PLCL2: variants seen among roughly 807,000 people sequenced by gnomAD.
PLCL2 encodes phospholipase C like 2, also known as inactive phospholipase C-like protein 2.
PLCL2 carries 4 observed loss-of-function variants against 79.6 expected under a neutral mutation model. The observed-to-expected ratio is 0.05, with a 90% CI of 0.02 to 0.11. The LOEUF is 0.11. PLCL2 is among the 10% of genes least tolerant of loss of function. The pLI, the probability that PLCL2 is intolerant of heterozygous loss-of-function variation, is 1.00. For missense variants in PLCL2, 895 were observed against 1,291.0 expected (o/e 0.69, Z 4.70); for synonymous variants, 484 against 457.7 (o/e 1.06, Z -0.73).
chr3:16,905,700 A>G (rs1380065189), intron 1 of PLCL2, among the ~76,000 whole-genome samples: 1 of 152,254 alleles, frequency 6.6e-6, no homozygotes. Flanking sequence ...GGGATCTGAA[A>G]TTAAACAAAC....
At chr3:17,080,919 G>A (rs149660852) in intron 5 of PLCL2, among the ~76,000 whole-genome samples, 1 of 152,196 alleles carries the variant, frequency 6.6e-6, no homozygotes, top group South Asian at 2.1e-4. Flanking sequence ...AATATTGCAT[G>A]CAGTCTGTGG....
chr3:17,042,703 T>G, intron 3 of PLCL2, 171 bp from the exon 4 acceptor site: 1 of 582,278 alleles, frequency 1.7e-6, no homozygotes, highest in African/African-American at 1.9e-5. Context: ...TGTGGGGATG[T>G]GTGATGTTAT....
intron 3 of PLCL2, among the ~76,000 whole-genome samples, chr3:17,039,013 A>G (rs995530176): frequency 2.6e-5 from 4 of 152,348 alleles, no homozygotes; most frequent in East Asian, 3.9e-4. Context: ...CAGTGTTCAC[A>G]TGTGTAAAAC....
intron 1 of PLCL2, among the ~76,000 whole-genome samples, chr3:16,966,252 C>T (rs1354157149): frequency 2.0e-5 from 3 of 146,594 alleles, no homozygotes; most frequent in African/African-American, 5.0e-5. Context: ...TGTCAAAGGC[C>T]TTTTCTGCAT....
chr3:17,030,250 A>G (rs552257129), intron 3 of PLCL2, among the ~76,000 whole-genome samples: 1 of 152,178 alleles, frequency 6.6e-6, no homozygotes, highest in East Asian at 1.9e-4. Flanking sequence ...TAAACTCTAC[A>G]ATGGGCATTA....
intron 4 of PLCL2, among the ~76,000 whole-genome samples, chr3:17,063,112 AC>A (rs1323771151): frequency 6.6e-6 from 1 of 150,444 alleles, no homozygotes; most frequent in African/African-American, 2.5e-5. Flanking sequence ...GATGATCATC[AC>A]AAGAGAAACT....
At chr3:17,082,384 G>A (rs918845842) in intron 5 of PLCL2, among the ~76,000 whole-genome samples, 4 of 151,638 alleles carry the variant, frequency 2.6e-5, no homozygotes, top group East Asian at 1.9e-4. Context: ...CGCCCGCCTC[G>A]GCCTCCCAAA....
At chr3:16,920,342 TTATA>T (rs1697096143) in intron 1 of PLCL2, among the ~76,000 whole-genome samples, 1 of 152,048 alleles carries the variant, frequency 6.6e-6, no homozygotes, top group Non-Finnish European at 1.5e-5. Context: ...ATCTTAATCT[TTATA>T]TATTTTTCTT....
chr3:17,013,786 G>A (rs781073119), intron 2 of PLCL2, among the ~76,000 whole-genome samples: 1 of 152,182 alleles, frequency 6.6e-6, no homozygotes, highest in Non-Finnish European at 1.5e-5. Flanking sequence ...CTCTTATTAT[G>A]ATTATAATTG....
chr3:16,897,178 A>T (rs1415768421), intron 1 of PLCL2, among the ~76,000 whole-genome samples: 1 of 152,088 alleles, frequency 6.6e-6, no homozygotes. Context: ...GAGGGGATAT[A>T]AAATGTCAAT....
intron 3 of PLCL2, among the ~76,000 whole-genome samples, chr3:17,022,584 T>A (rs1377717571): frequency 1.3e-5 from 2 of 152,224 alleles, no homozygotes; most frequent in African/African-American, 4.8e-5. Flanking sequence ...ACAGTTCTTT[T>A]GGTCAACTGG....
intron 1 of PLCL2, among the ~76,000 whole-genome samples, chr3:16,949,455 C>A (rs980442975): frequency 2.0e-5 from 3 of 152,130 alleles, no homozygotes; most frequent in African/African-American, 7.2e-5. Flanking sequence ...ATCCTATATC[C>A]ATTTTTAAAT....
intron 1 of PLCL2, among the ~76,000 whole-genome samples, chr3:16,889,410 A>G (rs538420470): frequency 2.0e-5 from 3 of 152,342 alleles, no homozygotes; most frequent in African/African-American, 7.2e-5. Context: ...GGAAGAAGGA[A>G]AAGAATCTCT....
chr3:16,992,838 G>A (rs2064118098), intron 1 of PLCL2, among the ~76,000 whole-genome samples: 1 of 152,200 alleles, frequency 6.6e-6, no homozygotes, highest in Admixed American at 6.5e-5. Flanking sequence ...ACAAAAAGCA[G>A]TCATAAGGAT....
chr3:16,996,743 C>T (rs2064157265), intron 1 of PLCL2, among the ~76,000 whole-genome samples: 1 of 151,862 alleles, frequency 6.6e-6, no homozygotes, highest in South Asian at 2.1e-4. Flanking sequence ...TCCATGTGGC[C>T]GTTTGGTAGG....
At chr3:17,037,182 C>T (rs1420205398) in intron 3 of PLCL2, among the ~76,000 whole-genome samples, 1 of 152,148 alleles carries the variant, frequency 6.6e-6, no homozygotes. Flanking sequence ...TCCAGAGAAG[C>T]AAGTCCTGCT....
chr3:16,890,651 A>G (rs1696324510), intron 1 of PLCL2, among the ~76,000 whole-genome samples: 1 of 152,140 alleles, frequency 6.6e-6, no homozygotes, highest in African/African-American at 2.4e-5. Context: ...GATTACTTTA[A>G]CTTCTTTTCT....
intron 1 of PLCL2, among the ~76,000 whole-genome samples, chr3:16,918,044 CTTTT>C (rs780377281): frequency 2.0e-5 from 3 of 152,118 alleles, no homozygotes; most frequent in Non-Finnish European, 4.4e-5. Flanking sequence ...GAATATCCCC[CTTTT>C]TACCTATGTA....
At chr3:16,912,131 C>T (rs1696896502) in intron 1 of PLCL2, among the ~76,000 whole-genome samples, 1 of 152,134 alleles carries the variant, frequency 6.6e-6, no homozygotes, top group East Asian at 1.9e-4. Context: ...ATATGGATGC[C>T]TTGCCTCATA....
Sources: gnomAD v4.1 joint callset for allele counts (sites outside exome capture counted in the v4.1 genomes callset) on GRCh38, gnomAD v4.1.1 for gene constraint, MANE v1.5 for transcripts, NCBI Gene and HGNC (gene_info 2026-07-23, HGNC 2026-07-21) for gene names.